The following GRID2 variants were observed in gnomAD, a reference collection of about 807,000 sequenced individuals.
The protein encoded by GRID2 is glutamate ionotropic receptor delta type subunit 2.
Under a neutral mutation model 114.8 loss-of-function variants are expected in GRID2, and 33 were observed. The ratio of observed to expected loss-of-function variants is 0.29; its 90% CI spans 0.22 to 0.38. GRID2 has a LOEUF of 0.38. GRID2 is among the 10% of genes least tolerant of loss of function. The pLI, the probability that GRID2 is intolerant of heterozygous loss-of-function variation, is 1.00. For synonymous variants in GRID2, 505 were observed against 449.9 expected, an observed-to-expected ratio of 1.12 and a Z score of -1.55; for missense variants, 1,184 against 1,257.7, an observed-to-expected ratio of 0.94 and a Z score of 0.89.
chr4:93,742,709 T>C (rs749369153), intron 14 of GRID2, among the ~76,000 whole-genome samples: 1 of 152,148 alleles, frequency 6.6e-6, no homozygotes, highest in East Asian at 1.9e-4. Flanking sequence ...CCAGAGAAGA[T>C]GGCAACCTCA....
At chr4:93,566,286 T>C (rs1374471731) in intron 13 of GRID2, among the ~76,000 whole-genome samples, 9 of 152,124 alleles carry the variant, frequency 5.9e-5, no homozygotes, top group Non-Finnish European at 1.2e-4. Flanking sequence ...GGTTACAAAC[T>C]CTATAATTTT....
rs1043517376 is a variant in GRID2, at chr4:93,509,876, A to C, written c.1998-5340A>C. 4.6e-5 allele frequency among the ~76,000 whole-genome samples: 7 copies of C among 152,162 alleles called. 1 individual carries two copies. Among genetic ancestry groups the C allele is most frequent in the Admixed American group, 2.6e-4 (4 of 15,274 alleles). On this transcript the variant is annotated intron_variant, in intron 12 of 15. Transcript: ENST00000282020. ...CACTTTTTATGCTGGAAAACTTGTC[A>C]CCGCACTTCATAGGACAGCTCTCAG...
intron 10 of GRID2, among the ~76,000 whole-genome samples, chr4:93,429,537 G>T (rs2149377865): frequency 6.6e-6 from 1 of 152,208 alleles, no homozygotes; most frequent in Admixed American, 6.5e-5. Flanking sequence ...TGTTCCTTCA[G>T]CCTAATTTTA....
At chr4:93,762,350 A>G (rs1733282713) in intron 14 of GRID2, among the ~76,000 whole-genome samples, 1 of 152,180 alleles carries the variant, frequency 6.6e-6, no homozygotes, top group South Asian at 2.1e-4. Context: ...CTGATAAAAT[A>G]TTTTTGAAAT....
chr4:93,074,319 C>G (rs576680560), intron 2 of GRID2, among the ~76,000 whole-genome samples: 1 of 152,144 alleles, frequency 6.6e-6, no homozygotes, highest in Admixed American at 6.5e-5. Flanking sequence ...TTATAAGAAA[C>G]ATTAGAAAAA....
At chr4:92,525,366 C>T (rs993861679) in intron 1 of GRID2, among the ~76,000 whole-genome samples, 1 of 151,944 alleles carries the variant, frequency 6.6e-6, no homozygotes, top group African/African-American at 2.4e-5. Context: ...GGCAGTCAAG[C>T]ATTTGTTAAG....
At chr4:93,771,989 A>C (rs1259358502) in intron 15 of GRID2, 87 bp from the exon 16 acceptor site, 1 of 760,326 alleles carries the variant, frequency 1.3e-6, no homozygotes, top group African/African-American at 1.8e-5. Context: ...AGTTCAGTTA[A>C]TTACATGTTT....
intron 2 of GRID2, among the ~76,000 whole-genome samples, chr4:92,931,698 T>C (rs1750251897): frequency 6.7e-6 from 1 of 149,756 alleles, no homozygotes; most frequent in African/African-American, 2.4e-5. Context: ...AAAAAAAAAG[T>C]TTGAATACTT....
intron 4 of GRID2, among the ~76,000 whole-genome samples, chr4:93,158,681 T>G (rs1263351600): frequency 6.6e-6 from 1 of 151,748 alleles, no homozygotes; most frequent in Non-Finnish European, 1.5e-5. Flanking sequence ...TTTGAAGAGC[T>G]CTGGAGTTCG....
chr4:92,492,473 G>A (rs1723188301), intron 1 of GRID2, among the ~76,000 whole-genome samples: 1 of 152,136 alleles, frequency 6.6e-6, no homozygotes, highest in South Asian at 2.1e-4. Context: ...CTGAGTTAGA[G>A]CAAGGATTAT....
chr4:93,793,378 C>T (rs1182482572), intron 1 of GRID2, among the ~76,000 whole-genome samples: 1 of 152,060 alleles, frequency 6.6e-6, no homozygotes, highest in Non-Finnish European at 1.5e-5. Context: ...TGATAATGAA[C>T]GTAGAAACAT....
At chr4:92,740,325 C>T (rs1736812273) in intron 2 of GRID2, among the ~76,000 whole-genome samples, 1 of 152,150 alleles carries the variant, frequency 6.6e-6, no homozygotes, top group Non-Finnish European at 1.5e-5. Flanking sequence ...CTGCATTTTT[C>T]TTTATGGGTC....
At chr4:92,471,563 C>T (rs1722034814) in intron 1 of GRID2, among the ~76,000 whole-genome samples, 1 of 151,992 alleles carries the variant, frequency 6.6e-6, no homozygotes, top group Non-Finnish European at 1.5e-5. Context: ...TAATAATAAA[C>T]ATAAACAACC....
chr4:92,574,904 T>C (rs1727810305), intron 1 of GRID2, among the ~76,000 whole-genome samples: 1 of 152,160 alleles, frequency 6.6e-6, no homozygotes. Flanking sequence ...TGATAATATC[T>C]AGAAGTATGT....
chr4:93,195,065 T>A (rs1026118759), intron 4 of GRID2, among the ~76,000 whole-genome samples: 1 of 152,158 alleles, frequency 6.6e-6, no homozygotes, highest in Non-Finnish European at 1.5e-5. Context: ...TTTGTTCTAA[T>A]TTTTTTATGT....
In GRID2 at chr4:93,030,270, T is replaced by G. The variant is rs565248711; in HGVS notation, c.245-54725T>G. Among the ~76,000 whole-genome samples the G allele has an allele frequency of 1.6e-4, 25 of 152,312 alleles. No homozygotes were observed. The South Asian group carries it at 5.2e-3, about 32-fold the overall frequency. ...TTCCTTTTCTCCCGCTCTCCTTTCT[T>G]TCCTTTCTGTCTTCCTAAAAGTGTT... On this transcript the variant is annotated intron_variant, in intron 2 of 15. Coordinates refer to ENST00000282020, the MANE Select transcript of GRID2 (RefSeq NM_001510.4).
At chr4:92,806,128 C>A (rs1414453741) in intron 2 of GRID2, among the ~76,000 whole-genome samples, 1 of 146,892 alleles carries the variant, frequency 6.8e-6, no homozygotes, top group African/African-American at 2.5e-5. Context: ...TGCATCTTTG[C>A]TATAAACTAT....
At chr4:92,478,729 C>A (rs1722437894) in intron 1 of GRID2, among the ~76,000 whole-genome samples, 1 of 152,068 alleles carries the variant, frequency 6.6e-6, no homozygotes, top group Non-Finnish European at 1.5e-5. Flanking sequence ...TATCTGACTT[C>A]TTTTTTTCCC....
intron 2 of GRID2, among the ~76,000 whole-genome samples, chr4:92,590,935 C>T (rs777288683): frequency 7.0e-4 from 106 of 152,078 alleles, no homozygotes; most frequent in Non-Finnish European, 1.1e-3. Flanking sequence ...ATTGAAAGAT[C>T]CTAGAAAAAT....
Sources: allele counts gnomAD v4.1 joint callset (sites outside exome capture counted in the v4.1 genomes callset), GRCh38; gene constraint gnomAD v4.1.1; transcripts MANE v1.5; gene names NCBI Gene and HGNC (gene_info 2026-07-23, HGNC 2026-07-21).